TCF4: variants seen among roughly 807,000 people sequenced by gnomAD.
TCF4 encodes SL3-3 enhancer factor 2.
A neutral mutation model predicts 82.1 loss-of-function variants in TCF4; 3 were observed. The observed-to-expected ratio is 0.04, with a 90% CI of 0.02 to 0.09. TCF4 has a LOEUF of 0.09. TCF4 is among the 10% of genes least tolerant of loss of function. The pLI, the probability that TCF4 is intolerant of heterozygous loss-of-function variation, is 1.00. For missense variants in TCF4, 518 were observed against 852.7 expected (o/e 0.61, Z 4.89); for synonymous variants, 276 against 309.6 (o/e 0.89, Z 1.14).
At chr18:55,288,258 A>C (rs2064158072) in intron 8 of TCF4, among the ~76,000 whole-genome samples, 1 of 152,178 alleles carries the variant, frequency 6.6e-6, no homozygotes, top group South Asian at 2.1e-4. Context: ...AGAAAAACAG[A>C]AAAGAAGTCA....
intron 3 of TCF4, among the ~76,000 whole-genome samples, chr18:55,553,772 T>A (rs1400132822): frequency 2.0e-5 from 3 of 152,174 alleles, no homozygotes; most frequent in Non-Finnish European, 4.4e-5. Flanking sequence ...TTAAAAACTG[T>A]ATTAAATATG....
At chr18:55,356,178 C>A (rs915607875) in intron 6 of TCF4, among the ~76,000 whole-genome samples, 1 of 152,056 alleles carries the variant, frequency 6.6e-6, no homozygotes, top group Non-Finnish European at 1.5e-5. Context: ...ATATTACAAT[C>A]CACTGATTAT....
chr18:55,243,322 C>T (rs1842052909), intron 15 of TCF4, among the ~76,000 whole-genome samples: 1 of 152,164 alleles, frequency 6.6e-6, no homozygotes, highest in Non-Finnish European at 1.5e-5. Context: ...CTTTGTAAAG[C>T]TCAATGGCTT....
intron 5 of TCF4, chr18:55,422,585 C>A (rs1021294417): frequency 4.1e-6 from 2 of 483,320 alleles, no homozygotes; most frequent in Admixed American, 6.4e-5. Context: ...GAGTTAAAGA[C>A]TCCCTACCAT....
chr18:55,542,142 G>A (rs1376920890), intron 3 of TCF4, among the ~76,000 whole-genome samples: 1 of 151,940 alleles, frequency 6.6e-6, no homozygotes, highest in Non-Finnish European at 1.5e-5. Context: ...TGATGTTATA[G>A]TATTCTTTAC....
At chr18:55,268,710 T>A (rs76681900) in intron 11 of TCF4, 1 of 152,202 alleles carries the variant, frequency 6.6e-6, no homozygotes, top group Non-Finnish European at 1.5e-5. Flanking sequence ...CTTTCCTACA[T>A]AAGTGATTCA....
At chr18:55,347,915 C>T (rs2081527870) in intron 8 of TCF4, among the ~76,000 whole-genome samples, 1 of 152,072 alleles carries the variant, frequency 6.6e-6, no homozygotes, top group Non-Finnish European at 1.5e-5. Flanking sequence ...TTATTATCTC[C>T]AATCTTTTAG....
intron 2 of TCF4, among the ~76,000 whole-genome samples, chr18:55,611,221 C>T (rs1355868712): frequency 6.6e-6 from 1 of 152,154 alleles, no homozygotes; most frequent in Non-Finnish European, 1.5e-5. Context: ...TACATGACTG[C>T]CACAAACAGC....
chr18:55,632,468 T>C lies in TCF4; in HGVS notation c.196-1080A>G, dbSNP rs140715986. Among the ~76,000 whole-genome samples, 777 of 152,212 alleles carry C rather than the reference T, an allele frequency of 5.1e-3. 7 individuals are homozygous for C. Among genetic ancestry groups the C allele is most frequent in the African/African-American group, 0.017 (722 of 41,530 alleles). Reference sequence around the variant, plus strand: ...GGGAGACGATGGAGTTTTTTGAGAGTTGAAGAGCTATATGTCTTCAGATTG... The same window carrying C: ...GGGAGACGATGGAGTTTTTTGAGAGCTGAAGAGCTATATGTCTTCAGATTG... On this transcript the variant is annotated intron_variant, in intron 1 of 20. Coordinates refer to the TCF4 transcript ENST00000398339.
intron 6 of TCF4, among the ~76,000 whole-genome samples, chr18:55,394,929 C>T (rs749892259): frequency 2.6e-5 from 4 of 152,160 alleles, no homozygotes; most frequent in Admixed American, 6.5e-5. Context: ...GCAGACTCAA[C>T]GATATATGCT....
chr18:55,591,960 C>G (rs2097685982), upstream of TCF4, among the ~76,000 whole-genome samples: 1 of 152,040 alleles, frequency 6.6e-6, no homozygotes, highest in Admixed American at 6.6e-5. Flanking sequence ...GGGAACAACC[C>G]TTCGTATTTT....
intron 2 of TCF4, among the ~76,000 whole-genome samples, chr18:55,597,701 T>G: frequency 6.6e-6 from 1 of 151,482 alleles, no homozygotes; most frequent in East Asian, 1.9e-4. Context: ...AAAGAGTAAA[T>G]AATATAGAAG....
At chr18:55,551,346 T>C (rs2097258818) in intron 3 of TCF4, 1 of 152,282 alleles carries the variant, frequency 6.6e-6, no homozygotes, top group African/African-American at 2.4e-5. Flanking sequence ...GCTTTCTGTA[T>C]GCATCACTTT....
At position 55,262,346 on chromosome 18, in the gene TCF4, C is replaced by A. The variant is rs145113352; in HGVS notation, c.923-813G>T. On this transcript the variant is annotated intron_variant, in intron 11 of 19. Coordinates refer to ENST00000354452, the MANE Select transcript of TCF4 (RefSeq NM_001083962.2). ...ATTGGAAGGTATCTTGCCTTTAGAA[C>A]TAAGTGATAAAATGGGATTTCCAGG... 1.3e-3 allele frequency among the ~76,000 whole-genome samples: 196 copies of A among 152,290 alleles called. 1 individual carries two copies. The highest frequency in any genetic ancestry group is 4.6e-3 in the African/African-American group (191 of 41,562).
rs1220562859 is a variant in TCF4 at position 55,228,272 on chromosome 18, G to C, written c.1969C>G (p.Pro657Ala). Residue 657 changes from proline to alanine, a missense_variant, in exon 19 of 20, where the codon CCA (proline) becomes GCA (alanine). Physicochemically the swap from Pro to Ala is conservative, Grantham distance 27 (BLOSUM62 -1). This residue lies in a region of TCF4 where 40 missense variants were observed against 41.5 expected (regional missense o/e 0.96). Coordinates refer to ENST00000354452, the MANE Select transcript of TCF4 (RefSeq NM_001083962.2). ...SEPPPLSLAG[P>A]HPGMGDASNH... ...GATGCGTCTCCCATTCCAGGGTGTG[G>C]GCCGGCCAAGGAGAGAGGGGGAGGC... 3.7e-6 allele frequency: 6 copies of C among 1,614,072 alleles called. No individual in the cohort carries two copies. Among genetic ancestry groups the C allele is most frequent in the Non-Finnish European group, 4.2e-6 (5 of 1,179,996 alleles).
intron 6 of TCF4, among the ~76,000 whole-genome samples, chr18:55,351,471 C>T (rs1358224623): frequency 6.6e-6 from 1 of 152,016 alleles, no homozygotes; most frequent in African/African-American, 2.4e-5. Flanking sequence ...CTCTGTACCG[C>T]ATATCATGAT....
chr18:55,494,506 G>C (rs1372497027), intron 3 of TCF4, among the ~76,000 whole-genome samples: 1 of 151,960 alleles, frequency 6.6e-6, no homozygotes, highest in Admixed American at 6.6e-5. Context: ...CATTTAAAGG[G>C]TTGCCTCACT....
intron 3 of TCF4, among the ~76,000 whole-genome samples, chr18:55,501,175 C>T (rs910855586): frequency 5.9e-5 from 9 of 152,016 alleles, no homozygotes; most frequent in African/African-American, 2.2e-4. Flanking sequence ...CAATAAACAT[C>T]AGTGCAAAAA....
intron 3 of TCF4, among the ~76,000 whole-genome samples, chr18:55,558,229 A>G (rs1373562517): frequency 1.3e-5 from 2 of 152,078 alleles, no homozygotes; most frequent in Non-Finnish European, 2.9e-5. Context: ...CAAAAACTAA[A>G]AGAAAAAATT....
Sources: gnomAD v4.1 joint callset for allele counts (sites outside exome capture counted in the v4.1 genomes callset) on GRCh38, gnomAD v4.1.1 for gene constraint, gnomAD v4.1.1 regional missense constraint, MANE v1.5 for transcripts, NCBI Gene and HGNC (gene_info 2026-07-23, HGNC 2026-07-21) for gene names.